The following NR2F1-AS1 variants were observed in gnomAD, a reference collection of about 807,000 sequenced individuals.
NR2F1-AS1 encodes NR2F1 antisense RNA 1.
intron 4 of NR2F1-AS1, among the ~76,000 whole-genome samples, chr5:93,512,997 C>T (rs574033136): frequency 3.9e-5 from 6 of 152,204 alleles, no homozygotes; most frequent in Middle Eastern, 6.8e-3. Context: ...CTCTTGAGAA[C>T]TTTCACTAAC....
rs530403010 is a variant in NR2F1-AS1 at position 93,528,989 on chromosome 5, A to G, written n.638+24772T>C. On this transcript the variant is annotated intron_variant and non_coding_transcript_variant, in intron 4 of 5. Transcript: ENST00000660523. ...TGCAGCAAACCACCATGGCACATGTATATCTATGTAACAAACCTGCACGTT... is the reference window on the plus strand; with the variant it reads ...TGCAGCAAACCACCATGGCACATGTGTATCTATGTAACAAACCTGCACGTT... Among the ~76,000 whole-genome samples, 18 of 152,302 alleles carry G rather than the reference A, an allele frequency of 1.2e-4. No individual in the cohort carries two copies. In the East Asian group the frequency reaches 3.1e-3, roughly 26 times the overall value.
At chr5:93,450,390 AT>A (rs1449250922) in intron 4 of NR2F1-AS1, among the ~76,000 whole-genome samples, 1 of 152,208 alleles carries the variant, frequency 6.6e-6, no homozygotes, top group Non-Finnish European at 1.5e-5. Context: ...GTTTTATAAC[AT>A]TTTGAAACAC....
intron 4 of NR2F1-AS1, among the ~76,000 whole-genome samples, chr5:93,445,313 T>TA (rs1303346614): frequency 1.3e-5 from 2 of 151,716 alleles, no homozygotes; most frequent in African/African-American, 4.8e-5. Context: ...GCAAGACTAA[T>TA]AAAGAGAAAA....
chr5:93,455,107 C>T (rs891543112), intron 4 of NR2F1-AS1, among the ~76,000 whole-genome samples: 1 of 152,168 alleles, frequency 6.6e-6, no homozygotes, highest in African/African-American at 2.4e-5. Context: ...TTGTGGCTGG[C>T]ATCTGAAGTG....
intron 4 of NR2F1-AS1, among the ~76,000 whole-genome samples, chr5:93,448,524 A>G (rs1749765646): frequency 1.3e-5 from 2 of 152,228 alleles, no homozygotes; most frequent in Admixed American, 1.3e-4. Context: ...TGGGGATGCA[A>G]AACAATATGC....
At chr5:93,455,211 T>A (rs1162753811) in intron 4 of NR2F1-AS1, among the ~76,000 whole-genome samples, 1 of 152,150 alleles carries the variant, frequency 6.6e-6, no homozygotes, top group Admixed American at 6.6e-5. Flanking sequence ...CTGTTAAATA[T>A]ATGAGAGGAG....
chr5:93,559,886 G>C (rs1196086355), intron 2 of NR2F1-AS1, among the ~76,000 whole-genome samples: 2 of 152,178 alleles, frequency 1.3e-5, no homozygotes, highest in Non-Finnish European at 2.9e-5. Flanking sequence ...GTTTGAAATA[G>C]TGTGAGATTT....
chr5:93,418,457 T>C (rs546526270), intron 4 of NR2F1-AS1, among the ~76,000 whole-genome samples: 68 of 152,146 alleles, frequency 4.5e-4, no homozygotes, highest in Non-Finnish European at 8.2e-4. Context: ...TGTGGTGGCA[T>C]GCGCCTGTAG....
intron 4 of NR2F1-AS1, among the ~76,000 whole-genome samples, chr5:93,458,147 T>C (rs1455792445): frequency 1.3e-5 from 2 of 152,084 alleles, no homozygotes; most frequent in Non-Finnish European, 2.9e-5. Flanking sequence ...ACACAAAGTA[T>C]AGAGAAAGAA....
intron 4 of NR2F1-AS1, among the ~76,000 whole-genome samples, chr5:93,456,745 G>C (rs1268087900): frequency 2.0e-5 from 3 of 151,842 alleles, no homozygotes; most frequent in Non-Finnish European, 4.4e-5. Context: ...ACCGGTCTCT[G>C]AGTTCCCTCA....
chr5:93,500,035 T>C (rs764879746), intron 4 of NR2F1-AS1, among the ~76,000 whole-genome samples: 4 of 152,152 alleles, frequency 2.6e-5, no homozygotes, highest in African/African-American at 7.2e-5. Flanking sequence ...AAAGAAGCCA[T>C]CTCCAGAACA....
chr5:93,453,083 G>C (rs1391345038), intron 4 of NR2F1-AS1, among the ~76,000 whole-genome samples: 1 of 152,176 alleles, frequency 6.6e-6, no homozygotes, highest in East Asian at 1.9e-4. Flanking sequence ...ATATGTTCAA[G>C]AATGCAGTAG....
intron 4 of NR2F1-AS1, among the ~76,000 whole-genome samples, chr5:93,421,838 T>C (rs1314233765): frequency 1.3e-5 from 2 of 152,192 alleles, no homozygotes; most frequent in African/African-American, 4.8e-5. Context: ...GAAATATGAT[T>C]TTATTTAAGA....
intron 4 of NR2F1-AS1, among the ~76,000 whole-genome samples, chr5:93,493,695 A>C (rs1267145622): frequency 6.6e-6 from 1 of 152,248 alleles, no homozygotes; most frequent in East Asian, 1.9e-4. Flanking sequence ...ATAAACCCAA[A>C]CATCTATGGT....
chr5:93,467,105 T>C (rs186050629), intron 4 of NR2F1-AS1, among the ~76,000 whole-genome samples: 18 of 152,264 alleles, frequency 1.2e-4, no homozygotes, highest in African/African-American at 4.3e-4. Flanking sequence ...TTTCACCACA[T>C]TGGCCAGGCT....
rs577066679 is a variant in NR2F1-AS1, at chr5:93,478,487, T to C, written n.638+75274A>G. 7.9e-5 allele frequency among the ~76,000 whole-genome samples: 12 copies of C among 152,340 alleles called. No individual in the cohort carries two copies. The East Asian group carries it at 2.1e-3, about 27-fold the overall frequency. On this transcript the variant is annotated intron_variant and non_coding_transcript_variant, in intron 4 of 5. Coordinates refer to ENST00000660523, the Ensembl canonical transcript of NR2F1-AS1. ...GGCACGATCTCGGCTCACTGCAACCTTCGCATCCCAGATTCGAGCAATTAT... is the reference window on the plus strand; with the variant it reads ...GGCACGATCTCGGCTCACTGCAACCCTCGCATCCCAGATTCGAGCAATTAT...
intron 1 of NR2F1-AS1, among the ~76,000 whole-genome samples, chr5:93,574,237 G>A (rs1421332934): frequency 6.6e-6 from 1 of 152,202 alleles, no homozygotes; most frequent in Non-Finnish European, 1.5e-5. Context: ...TGGGGGCTGG[G>A]ATGGCCCCCG....
intron 2 of NR2F1-AS1, among the ~76,000 whole-genome samples, chr5:93,556,437 T>C (rs1752357737): frequency 6.6e-6 from 1 of 152,232 alleles, no homozygotes; most frequent in African/African-American, 2.4e-5. Flanking sequence ...TAAAGAGTTT[T>C]CGAATCTATC....
At chr5:93,428,715 G>A (rs912324643) in intron 4 of NR2F1-AS1, among the ~76,000 whole-genome samples, 8 of 152,160 alleles carry the variant, frequency 5.3e-5, no homozygotes, top group Non-Finnish European at 1.0e-4. Context: ...AAATGCTTGT[G>A]ATTGTACAGG....
Sources: allele counts gnomAD v4.1 joint callset (sites outside exome capture counted in the v4.1 genomes callset), GRCh38; gene constraint gnomAD v4.1.1; transcripts MANE v1.5; gene names NCBI Gene and HGNC (gene_info 2026-07-23, HGNC 2026-07-21).